RIIAD1: variants seen among roughly 807,000 people sequenced by gnomAD.
The protein encoded by RIIAD1 is RIIa domain-containing protein 1.
A neutral mutation model predicts 13.3 loss-of-function variants in RIIAD1; 15 were observed. The ratio of observed to expected loss-of-function variants is 1.13; its 90% CI spans 0.76 to 1.74. The LOEUF is 1.74. RIIAD1 is among the 40% of genes most tolerant of loss of function. The pLI is 0.00. For synonymous variants in RIIAD1, 50 were observed against 43.3 expected, an observed-to-expected ratio of 1.16 and a Z score of -0.61; for missense variants, 121 against 112.2, an observed-to-expected ratio of 1.08 and a Z score of -0.35.
At chr1:151,716,490 G>A (rs2101494493) in intron 4 of RIIAD1, 2 of 316,388 alleles carry the variant, frequency 6.3e-6, no homozygotes, top group South Asian at 2.6e-5. Context: ...AGTAAGGGGG[G>A]CCCACTCCTG....
chr1:151,713,206 A>G (rs1250106548), intron 2 of RIIAD1, among the ~76,000 whole-genome samples: 2 of 152,132 alleles, frequency 1.3e-5, no homozygotes, highest in Admixed American at 1.3e-4. Flanking sequence ...AGGGCTAGAC[A>G]ATCATTAACC....
At chr1:151,714,649 C>T (rs940641224) in intron 4 of RIIAD1, 8 of 1,561,290 alleles carry the variant, frequency 5.1e-6, no homozygotes, top group East Asian at 2.4e-5. Context: ...GGCTGAATCC[C>T]GGGCACAGTA....
intron 2 of RIIAD1, among the ~76,000 whole-genome samples, chr1:151,726,250 T>C (rs982464492): frequency 6.6e-6 from 1 of 152,228 alleles, no homozygotes; most frequent in Non-Finnish European, 1.5e-5. Context: ...CCCAGAGCAC[T>C]ATTTAATACT....
intron 2 of RIIAD1, among the ~76,000 whole-genome samples, chr1:151,725,107 C>CTTTTTTTTT (rs71759600): frequency 1.2e-5 from 1 of 84,678 alleles, no homozygotes; most frequent in African/African-American, 5.1e-5. Flanking sequence ...CGCACCTCGC[C>CTTTTTTTTT]TTTTTTTTTT....
At chr1:151,718,628 T>C (rs1673661443), upstream of RIIAD1, among the ~76,000 whole-genome samples, 2 of 152,220 alleles carry the variant, frequency 1.3e-5, no homozygotes, top group Admixed American at 1.3e-4. Flanking sequence ...TTTGAGTGAA[T>C]GTGTATGTGT....
At chr1:151,718,406 C>G (rs1029736206), upstream of RIIAD1, among the ~76,000 whole-genome samples, 1 of 152,220 alleles carries the variant, frequency 6.6e-6, no homozygotes, top group African/African-American at 2.4e-5. Flanking sequence ...AGTCTGGCTC[C>G]TGAGTCCACG....
At chr1:151,723,903 T>G (rs1344826231) in intron 2 of RIIAD1, among the ~76,000 whole-genome samples, 2 of 152,190 alleles carry the variant, frequency 1.3e-5, no homozygotes, top group African/African-American at 4.8e-5. Context: ...GGCCGTCACC[T>G]TTTGCAACTT....
intron 4 of RIIAD1, among the ~76,000 whole-genome samples, chr1:151,715,149 CAGTT>C (rs1441382867): frequency 8.5e-5 from 13 of 152,104 alleles, no homozygotes; most frequent in East Asian, 1.9e-4. Flanking sequence ...AAGGGAAGAA[CAGTT>C]AGTTAGCCGG....
intron 2 of RIIAD1, among the ~76,000 whole-genome samples, chr1:151,726,216 T>G (rs1673826480): frequency 6.6e-6 from 1 of 152,198 alleles, no homozygotes; most frequent in Non-Finnish European, 1.5e-5. Context: ...CCCCTCTCAG[T>G]AACCTCTCTC....
At chr1:151,716,036 G>C in intron 4 of RIIAD1, 5 of 1,604,782 alleles carry the variant, frequency 3.1e-6, no homozygotes, top group Non-Finnish European at 4.3e-6. Flanking sequence ...CGGCCCAGGA[G>C]GAGGGGCCGA....
intron 4 of RIIAD1, chr1:151,715,885 G>C: frequency 6.2e-7 from 1 of 1,613,498 alleles, no homozygotes; most frequent in Non-Finnish European, 8.5e-7. Context: ...CCCTTGTGCA[G>C]CCCGGTGTAC....
chr1:151,728,930 T>C, intron 4 of RIIAD1, 37 bp downstream of exon 4: 1 of 709,172 alleles, frequency 1.4e-6, no homozygotes, highest in Non-Finnish European at 2.5e-6. Context: ...GAGGCTTCTT[T>C]ACTCTTGTGA....
chr1:151,727,432 CT>C, intron 2 of RIIAD1, 142 bp from the exon 3 acceptor site: 1 of 683,952 alleles, frequency 1.5e-6, no homozygotes, highest in Non-Finnish European at 2.7e-6. Flanking sequence ...ATGAAAGGGT[CT>C]TTGTCAGGAG....
intron 3 of RIIAD1, among the ~76,000 whole-genome samples, chr1:151,713,956 G>A (rs1673242785): frequency 6.6e-6 from 1 of 152,142 alleles, no homozygotes. Context: ...CATACCTGGT[G>A]GCATCAGGCC....
upstream of RIIAD1, chr1:151,716,818 C>A (rs928801789): frequency 1.1e-5 from 5 of 466,958 alleles, no homozygotes; most frequent in East Asian, 7.0e-5. Context: ...CCCTCCACAC[C>A]CCCCTCCCCA....
upstream of RIIAD1, among the ~76,000 whole-genome samples, chr1:151,720,351 G>GAA (rs57818231): frequency 4.2e-3 from 635 of 149,674 alleles, 3 homozygotes; most frequent in African/African-American, 0.014. Context: ...CTCCTGCCGG[G>GAA]AAAAAAAAAA....
At chr1:151,728,477 TAGGTGGG>T in intron 3 of RIIAD1, 1 of 289,532 alleles carries the variant, frequency 3.5e-6, no homozygotes, top group Non-Finnish European at 5.6e-6. Context: ...CGACTCGGGG[TAGGTGGG>T]GGGTGGGGGG....
intron 1 of RIIAD1, chr1:151,721,841 A>G: frequency 1.7e-6 from 1 of 584,006 alleles, no homozygotes; most frequent in South Asian, 2.3e-5. Context: ...TAACTCAGGG[A>G]CTCGGCCAGA....
chr1:151,725,260 G>A (rs560818727), intron 2 of RIIAD1, among the ~76,000 whole-genome samples: 115 of 152,036 alleles, frequency 7.6e-4, no homozygotes, highest in Admixed American at 1.7e-3. Flanking sequence ...ACAGGTGCCT[G>A]CCACCAGGCC....
Sources: allele counts gnomAD v4.1 joint callset (sites outside exome capture counted in the v4.1 genomes callset), GRCh38; gene constraint gnomAD v4.1.1; transcripts MANE v1.5; gene names NCBI Gene and HGNC (gene_info 2026-07-23, HGNC 2026-07-21).